OR2L13: variants seen among roughly 807,000 people sequenced by gnomAD.
OR2L13 encodes the protein olfactory receptor family 2 subfamily L member 13.
Under a neutral mutation model 15.3 loss-of-function variants are expected in OR2L13, and 14 were observed. The observed-to-expected ratio is 0.91, with a 90% CI of 0.60 to 1.43. OR2L13 has a LOEUF of 1.43. Among genes scored for constraint, OR2L13 ranks in the 40% most tolerant of loss-of-function variants. The pLI, the probability that OR2L13 is intolerant of heterozygous loss-of-function variation, is 0.00. For missense variants in OR2L13, 367 were observed against 387.9 expected (o/e 0.95, Z 0.45); for synonymous variants, 152 against 142.9 (o/e 1.06, Z -0.45).
the OR2L13 span, among the ~76,000 whole-genome samples, chr1:247,959,506 A>G: frequency 0.8 from 121,140 of 151,736 alleles, 52,555 homozygotes; most frequent in South Asian, 0.95. Flanking sequence ...CTAGATTGGG[A>G]AAGTTCTCTT....
upstream of OR2L13, among the ~76,000 whole-genome samples, chr1:248,092,436 C>T (rs182235536): frequency 6.6e-6 from 1 of 152,262 alleles, no homozygotes; most frequent in Admixed American, 6.5e-5. Flanking sequence ...TTCAGCACCC[C>T]TCTGTTAGTA....
the OR2L13 span, chr1:248,038,263 T>A: frequency 1.3e-6 from 2 of 1,588,394 alleles, no homozygotes; most frequent in African/African-American, 1.3e-5. Flanking sequence ...TTGTAGGAAT[T>A]CCCCATGGAA....
the OR2L13 span, chr1:248,022,910 A>G: frequency 6.3e-7 from 1 of 1,576,254 alleles, no homozygotes; most frequent in African/African-American, 1.4e-5. Flanking sequence ...GTTAGAGTCA[A>G]AGCGCTAGGT....
the OR2L13 span, chr1:248,022,617 G>C: frequency 1.2e-6 from 2 of 1,614,062 alleles, no homozygotes; most frequent in Non-Finnish European, 8.5e-7. Flanking sequence ...TCTCCTTGCT[G>C]TCTACCGCAT....
the OR2L13 span, among the ~76,000 whole-genome samples, chr1:248,073,605 A>G: frequency 6.6e-6 from 1 of 151,980 alleles, no homozygotes; most frequent in Non-Finnish European, 1.5e-5. Context: ...GTGCACACAT[A>G]CCCTAAAACT....
chr1:248,071,205 A>T, the OR2L13 span, among the ~76,000 whole-genome samples: 12 of 152,358 alleles, frequency 7.9e-5, no homozygotes, highest in South Asian at 2.5e-3. Context: ...ATCCCTGATG[A>T]ACATTGATGC....
At chr1:248,059,022 C>G in the OR2L13 span, among the ~76,000 whole-genome samples, 1 of 152,066 alleles carries the variant, frequency 6.6e-6, no homozygotes, top group Non-Finnish European at 1.5e-5. Flanking sequence ...ATATTTATTT[C>G]ACAGATTTCG....
At chr1:248,036,652 T>G in the OR2L13 span, among the ~76,000 whole-genome samples, 1 of 152,218 alleles carries the variant, frequency 6.6e-6, no homozygotes, top group African/African-American at 2.4e-5. Flanking sequence ...GCCTAAAAAC[T>G]TCATTCCTTT....
At chr1:248,036,514 TTAAG>T in the OR2L13 span, among the ~76,000 whole-genome samples, 1 of 152,206 alleles carries the variant, frequency 6.6e-6, no homozygotes, top group Admixed American at 6.5e-5. Context: ...GTATTGATCC[TTAAG>T]TGAGTGTTCA....
the OR2L13 span, chr1:248,039,383 C>T: frequency 4.7e-6 from 2 of 428,342 alleles, no homozygotes; most frequent in East Asian, 5.3e-5. Flanking sequence ...TATTCTAAGA[C>T]ATCTATTTTG....
chr1:248,046,933 A>G, the OR2L13 span: 2 of 152,122 alleles, frequency 1.3e-5, no homozygotes, highest in Admixed American at 6.5e-5. Flanking sequence ...GGAAGAAGGA[A>G]CTCTGGCAAG....
the OR2L13 span, among the ~76,000 whole-genome samples, chr1:248,068,800 C>A: frequency 6.6e-6 from 1 of 152,094 alleles, no homozygotes; most frequent in African/African-American, 2.4e-5. Flanking sequence ...GAGCTGAAAG[C>A]CAAGGCTCGA....
At chr1:248,047,057 A>C in the OR2L13 span, among the ~76,000 whole-genome samples, 4 of 152,158 alleles carry the variant, frequency 2.6e-5, no homozygotes, top group Admixed American at 1.3e-4. Flanking sequence ...CACACAACCA[A>C]AAATGGTTTT....
At chr1:248,090,034 C>G in the OR2L13 span, among the ~76,000 whole-genome samples, 1 of 152,112 alleles carries the variant, frequency 6.6e-6, no homozygotes, top group African/African-American at 2.4e-5. Context: ...CTTCCTCCCT[C>G]CCTTTAAAAA....
At chr1:247,994,699 A>C in the OR2L13 span, among the ~76,000 whole-genome samples, 1 of 152,138 alleles carries the variant, frequency 6.6e-6, no homozygotes, top group Non-Finnish European at 1.5e-5. Flanking sequence ...ACTATGGTTA[A>C]TACTATTGTA....
At chr1:247,952,358 C>A in the OR2L13 span, among the ~76,000 whole-genome samples, 36 of 152,078 alleles carry the variant, frequency 2.4e-4, 1 homozygote, top group African/African-American at 8.0e-4. Flanking sequence ...AAATCTAAAC[C>A]CCTAAAATGA....
At chr1:248,032,152 A>G in the OR2L13 span, among the ~76,000 whole-genome samples, 1 of 152,118 alleles carries the variant, frequency 6.6e-6, no homozygotes, top group Non-Finnish European at 1.5e-5. Context: ...TTGTTCTTCT[A>G]AATTGTCCCT....
chr1:247,960,259 T>C, the OR2L13 span, among the ~76,000 whole-genome samples: 1 of 152,180 alleles, frequency 6.6e-6, no homozygotes, highest in Non-Finnish European at 1.5e-5. Context: ...ACAGCGGATA[T>C]TGGTGAACAG....
At chr1:248,100,716 C>T (rs10749643) in exon 3 of OR2L13, 114,635 of 169,232 alleles carry the variant, frequency 0.68, 42,763 homozygotes, top group South Asian at 0.84. Context: ...TAGAGTGCAG[C>T]GCAGCTTGGA....
Sources: gnomAD v4.1 joint callset for allele counts (sites outside exome capture counted in the v4.1 genomes callset) on GRCh38, gnomAD v4.1.1 for gene constraint, MANE v1.5 for transcripts, NCBI Gene and HGNC (gene_info 2026-07-23, HGNC 2026-07-21) for gene names.